Variants in CHSY3 observed in about 807,000 individuals in gnomAD.
CHSY3 encodes the protein N-acetylgalactosaminyl-proteoglycan 3-beta-glucuronosyltransferase 3.
Under a neutral mutation model 67.2 loss-of-function variants are expected in CHSY3, and 35 were observed. That is an observed-to-expected ratio of 0.52 (90% CI 0.40 to 0.69). The LOEUF (loss-of-function observed/expected upper bound fraction) is 0.69. Ranked by LOEUF, CHSY3 falls within the 30% of genes least tolerant of loss-of-function variation. The pLI, the probability that CHSY3 is intolerant of heterozygous loss-of-function variation, is 0.00. For synonymous variants in CHSY3, 474 were observed against 434.7 expected (o/e 1.09, Z -1.12); for missense variants, 1,069 against 1,138.5 (o/e 0.94, Z 0.88).
intron 2 of CHSY3, among the ~76,000 whole-genome samples, chr5:129,937,575 A>T (rs1761542058): frequency 1.3e-5 from 2 of 152,126 alleles, no homozygotes; most frequent in South Asian, 4.1e-4. Context: ...CTCCAGCATT[A>T]ACTCAAAAGT....
chr5:130,046,976 G>T (rs1236872321), intron 2 of CHSY3, among the ~76,000 whole-genome samples: 1 of 150,808 alleles, frequency 6.6e-6, no homozygotes, highest in Non-Finnish European at 1.5e-5. Context: ...TTAAAATATG[G>T]TATTGTTTCT....
intron 2 of CHSY3, among the ~76,000 whole-genome samples, chr5:129,940,765 A>T (rs1184039570): frequency 6.6e-6 from 1 of 151,838 alleles, no homozygotes; most frequent in African/African-American, 2.4e-5. Flanking sequence ...TGTAGACTTT[A>T]TATATACATA....
chr5:130,116,290 T>C (rs1467812188), intron 2 of CHSY3, among the ~76,000 whole-genome samples: 1 of 152,224 alleles, frequency 6.6e-6, no homozygotes, highest in African/African-American at 2.4e-5. Flanking sequence ...GATAGAGTGC[T>C]AATTGTAATG....
intron 2 of CHSY3, among the ~76,000 whole-genome samples, chr5:130,046,011 A>G (rs1765136197): frequency 6.6e-6 from 1 of 152,088 alleles, no homozygotes; most frequent in Admixed American, 6.6e-5. Context: ...CTCATTTTGT[A>G]AGCAAGAGTC....
At chr5:130,119,426 T>G (rs2149708028) in intron 2 of CHSY3, among the ~76,000 whole-genome samples, 1 of 152,266 alleles carries the variant, frequency 6.6e-6, no homozygotes, top group South Asian at 2.1e-4. Flanking sequence ...TCCTAACTGT[T>G]TCTTTGTATG....
intron 2 of CHSY3, among the ~76,000 whole-genome samples, chr5:130,162,463 G>A (rs1769585799): frequency 6.6e-6 from 1 of 152,124 alleles, no homozygotes. Context: ...CCTTCCTTAT[G>A]AAATCAGCTG....
intron 2 of CHSY3, among the ~76,000 whole-genome samples, chr5:130,155,343 G>A (rs966364441): frequency 1.3e-5 from 2 of 152,176 alleles, no homozygotes; most frequent in East Asian, 3.9e-4. Context: ...CCCTCTTTTT[G>A]TGCAGTAATC....
chr5:129,950,723 C>T (rs1006039515), intron 2 of CHSY3, among the ~76,000 whole-genome samples: 1 of 152,052 alleles, frequency 6.6e-6, no homozygotes, highest in African/African-American at 2.4e-5. Flanking sequence ...AAGAGCTGTA[C>T]ACTGAAAACT....
rs1458890676 is a variant in CHSY3 at position 129,905,165 on chromosome 5, G to T, written c.336G>T (p.Arg112=). 1 of 1,526,350 alleles carries T rather than the reference G, an allele frequency of 6.6e-7. No homozygotes were observed. Among genetic ancestry groups the T allele is most frequent in the African/African-American group, 1.4e-5 (1 of 71,442 alleles). The allele number at this position is 1,526,350 out of a possible 1,614,324, so 94.6% of individuals were successfully genotyped here. ...PWQQPPPLQQ[R]RRGREPEGAT... The stretch of plus-strand genomic sequence containing the variant: ...AGCAGCCACCTCCGCTGCAGCAGCG[G>T]CGGCGAGGACGCGAGCCTGAGGGCG... The change falls in exon 1 of 3, where the codon CGG becomes CGT. Residue 112 remains arginine (R), a synonymous_variant. Coordinates refer to ENST00000305031, the MANE Select transcript of CHSY3 (RefSeq NM_175856.5).
chr5:130,074,433 G>A (rs114332745), intron 2 of CHSY3, among the ~76,000 whole-genome samples: 1,882 of 152,186 alleles, frequency 0.012, 32 homozygotes, highest in African/African-American at 0.043. Flanking sequence ...AAAAGATAAG[G>A]TAACAGAGTA....
At position 129,988,592 on chromosome 5, in the gene CHSY3, C is replaced by T. The variant is rs933055227; in HGVS notation, c.1086+80232C>T. 5.9e-5 allele frequency among the ~76,000 whole-genome samples: 9 copies of T among 152,116 alleles called. 1 individual carries two copies. The highest frequency in any genetic ancestry group is 1.5e-5 in the Non-Finnish European group (1 of 68,018). ...TATATCCCCATCCCCTAAAACAGAG[C>T]CTAGCACATAGTAGGCACTCAGTAA... is the stretch of plus-strand genomic sequence containing the variant. On this transcript the variant is annotated intron_variant, in intron 2 of 2. Transcript: ENST00000305031.
intron 2 of CHSY3, among the ~76,000 whole-genome samples, chr5:130,165,532 G>A (rs1364181220): frequency 1.3e-5 from 2 of 151,826 alleles, no homozygotes; most frequent in Non-Finnish European, 2.9e-5. Context: ...CTTGTTTATA[G>A]TTTTGTTTTT....
intron 2 of CHSY3, among the ~76,000 whole-genome samples, chr5:129,980,416 T>C (rs1461165547): frequency 3.9e-5 from 6 of 152,226 alleles, no homozygotes; most frequent in African/African-American, 1.4e-4. Flanking sequence ...ATCTATCTTC[T>C]TTGGTGAAGG....
chr5:130,123,153 T>G (rs1422387511), intron 2 of CHSY3, among the ~76,000 whole-genome samples: 2 of 152,150 alleles, frequency 1.3e-5, no homozygotes, highest in Non-Finnish European at 2.9e-5. Flanking sequence ...AAGAGATTAA[T>G]TTTATATAGT....
intron 2 of CHSY3, among the ~76,000 whole-genome samples, chr5:130,006,600 C>T (rs1763883421): frequency 6.6e-6 from 1 of 152,198 alleles, no homozygotes; most frequent in South Asian, 2.1e-4. Context: ...TTGGATTACT[C>T]AAGGAGCAGA....
Position 130,180,369 on chromosome 5 carries a change from C to T in CHSY3, c.1087-3860C>T, listed in dbSNP as rs116356295. ...AATAGCCTCATCAGTGTATAATTTACATTCCACAAAATTTTCTTCATATAT... is the reference window on the plus strand; with the variant it reads ...AATAGCCTCATCAGTGTATAATTTATATTCCACAAAATTTTCTTCATATAT... On this transcript the variant is annotated intron_variant, in intron 2 of 2. Coordinates refer to ENST00000305031, the MANE Select transcript of CHSY3 (RefSeq NM_175856.5). Among the ~76,000 whole-genome samples, 873 of 152,156 alleles carry T rather than the reference C, an allele frequency of 5.7e-3. 15 individuals are homozygous for T. The highest frequency in any genetic ancestry group is 0.019 in the African/African-American group (789 of 41,492).
intron 2 of CHSY3, among the ~76,000 whole-genome samples, chr5:130,087,183 A>G (rs1766670323): frequency 6.6e-6 from 1 of 151,596 alleles, no homozygotes; most frequent in African/African-American, 2.4e-5. Flanking sequence ...CATGCTAAAA[A>G]CTCTCAATAA....
intron 2 of CHSY3, among the ~76,000 whole-genome samples, chr5:130,023,813 A>G (rs759051414): frequency 2.0e-5 from 3 of 152,008 alleles, no homozygotes; most frequent in Non-Finnish European, 4.4e-5. Flanking sequence ...ACAGAGAGGA[A>G]AAATGAGTAA....
At chr5:130,072,234 G>A (rs1463010990) in intron 2 of CHSY3, among the ~76,000 whole-genome samples, 1 of 152,076 alleles carries the variant, frequency 6.6e-6, no homozygotes, top group East Asian at 1.9e-4. Flanking sequence ...CAAGAGCAAT[G>A]TTTTGGAGAT....
Sources: allele counts gnomAD v4.1 joint callset (sites outside exome capture counted in the v4.1 genomes callset), GRCh38; gene constraint gnomAD v4.1.1; transcripts MANE v1.5; gene names NCBI Gene and HGNC (gene_info 2026-07-23, HGNC 2026-07-21).